Variants in KCNC2 observed in about 807,000 individuals in gnomAD.
The protein encoded by KCNC2 is voltage-gated potassium channel KCNC2.
A neutral mutation model predicts 44.5 loss-of-function variants in KCNC2; 21 were observed. The observed-to-expected ratio is 0.47, with a 90% CI of 0.33 to 0.68. KCNC2 has a LOEUF of 0.68. KCNC2 is among the 30% of genes least tolerant of loss of function. The pLI, the probability that KCNC2 is intolerant of heterozygous loss-of-function variation, is 0.01. For synonymous variants in KCNC2, 391 were observed against 339.1 expected, an observed-to-expected ratio of 1.15 and a Z score of -1.68; for missense variants, 589 against 826.2, an observed-to-expected ratio of 0.71 and a Z score of 3.52.
At chr12:75,136,040 A>G (rs1785368855) in intron 2 of KCNC2, among the ~76,000 whole-genome samples, 1 of 151,972 alleles carries the variant, frequency 6.6e-6, no homozygotes, top group African/African-American at 2.4e-5. Context: ...ACTCAGCTCT[A>G]TTATCCTTTT....
chr12:75,082,346 G>A (rs896370397), intron 2 of KCNC2, among the ~76,000 whole-genome samples: 1 of 151,872 alleles, frequency 6.6e-6, no homozygotes, highest in Non-Finnish European at 1.5e-5. Flanking sequence ...TGTCAAGTGA[G>A]ATTTCTGCAC....
intron 2 of KCNC2, among the ~76,000 whole-genome samples, chr12:75,058,920 T>C (rs1443478765): frequency 2.0e-5 from 3 of 152,036 alleles, no homozygotes; most frequent in African/African-American, 7.2e-5. Context: ...AAGATCTTTG[T>C]TTAGTGGACA....
intron 2 of KCNC2, among the ~76,000 whole-genome samples, chr12:75,119,237 G>A (rs1303238123): frequency 1.3e-5 from 2 of 152,080 alleles, no homozygotes; most frequent in Non-Finnish European, 2.9e-5. Flanking sequence ...GCTCACTCTT[G>A]TTTTCAGGAA....
At chr12:75,137,596 T>C (rs1013404538) in intron 2 of KCNC2, among the ~76,000 whole-genome samples, 1 of 152,228 alleles carries the variant, frequency 6.6e-6, no homozygotes, top group African/African-American at 2.4e-5. Flanking sequence ...AAATATTATG[T>C]CCCAAATTAT....
At chr12:75,085,879 T>C (rs955860276) in intron 2 of KCNC2, among the ~76,000 whole-genome samples, 4 of 152,040 alleles carry the variant, frequency 2.6e-5, no homozygotes, top group Non-Finnish European at 5.9e-5. Context: ...ACTTTAGAGC[T>C]GTGTCATTAA....
chr12:75,197,624 G>C (rs754742664), intron 2 of KCNC2, among the ~76,000 whole-genome samples: 1 of 151,958 alleles, frequency 6.6e-6, no homozygotes, highest in African/African-American at 2.4e-5. Flanking sequence ...ACATAACCTA[G>C]TTCTGGCCAA....
At chr12:75,202,128 C>T (rs553602373) in intron 2 of KCNC2, among the ~76,000 whole-genome samples, 1 of 151,960 alleles carries the variant, frequency 6.6e-6, no homozygotes, top group Non-Finnish European at 1.5e-5. Context: ...AGTTTACTGA[C>T]AAAGATAAAA....
chr12:75,189,193 G>T (rs971637678), intron 2 of KCNC2, among the ~76,000 whole-genome samples: 1 of 152,136 alleles, frequency 6.6e-6, no homozygotes, highest in Non-Finnish European at 1.5e-5. Context: ...TGAAGACTGG[G>T]AGCTACTTTG....
At chr12:75,043,834 GAA>G in intron 4 of KCNC2, 1 of 1,194,848 alleles carries the variant, frequency 8.4e-7, no homozygotes, top group Non-Finnish European at 1.1e-6. Context: ...AAAAGTAAAG[GAA>G]AAAAAAAGAA....
intron 2 of KCNC2, among the ~76,000 whole-genome samples, chr12:75,194,866 T>G (rs553251205): frequency 6.6e-6 from 1 of 152,278 alleles, no homozygotes; most frequent in Non-Finnish European, 1.5e-5. Context: ...GTGTGGTATA[T>G]ATGTGTCTTG....
intron 2 of KCNC2, among the ~76,000 whole-genome samples, chr12:75,060,809 A>G (rs1219686326): frequency 6.6e-6 from 1 of 152,058 alleles, no homozygotes; most frequent in Non-Finnish European, 1.5e-5. Flanking sequence ...AATTCCCTTA[A>G]TGTGGTCCTT....
At chr12:75,135,305 G>A (rs543250078) in intron 2 of KCNC2, among the ~76,000 whole-genome samples, 4 of 151,838 alleles carry the variant, frequency 2.6e-5, no homozygotes, top group South Asian at 4.1e-4. Context: ...TCACAGCTCT[G>A]TGTGAATGTG....
At chr12:75,118,311 G>A (rs1204263347) in intron 2 of KCNC2, among the ~76,000 whole-genome samples, 1 of 152,040 alleles carries the variant, frequency 6.6e-6, no homozygotes, top group Non-Finnish European at 1.5e-5. Flanking sequence ...CTACAGAATA[G>A]CTAACATTTC....
intron 2 of KCNC2, among the ~76,000 whole-genome samples, chr12:75,108,377 A>T (rs1265827839): frequency 1.3e-5 from 2 of 152,212 alleles, no homozygotes. Flanking sequence ...AGGGGTCTGC[A>T]ACAATATAAA....
chr12:75,042,495 G>A lies in KCNC2; in HGVS notation c.*610C>T. On this transcript the variant is annotated 3_prime_UTR_variant, in exon 5 of 5. Transcript: ENST00000549446. ...TTCTTTCAAATAATAAGAAAAAAAT[G>A]TCAAGGAGAAAAGTGCCCTCCCTGC... The A allele has an allele frequency of 7.0e-7, 1 of 1,437,220 alleles. No individual in the cohort carries two copies. Among genetic ancestry groups the A allele is most frequent in the Non-Finnish European group, 9.1e-7 (1 of 1,094,782 alleles). The allele number at this position is 1,437,220 out of a possible 1,614,324, so 89.0% of individuals were successfully genotyped here.
intron 2 of KCNC2, among the ~76,000 whole-genome samples, chr12:75,055,175 C>T (rs1396102143): frequency 6.6e-6 from 1 of 151,712 alleles, no homozygotes; most frequent in Non-Finnish European, 1.5e-5. Context: ...ATTGTTACTA[C>T]TGAGTATGGC....
chr12:75,043,832 AG>A (rs777651070), intron 4 of KCNC2: 3 of 1,327,198 alleles, frequency 2.3e-6, no homozygotes, highest in Middle Eastern at 1.9e-4. Context: ...AGAAAAGTAA[AG>A]GAAAAAAAAA....
At chr12:75,065,879 C>T (rs1414830926) in intron 2 of KCNC2, among the ~76,000 whole-genome samples, 1 of 152,090 alleles carries the variant, frequency 6.6e-6, no homozygotes, top group African/African-American at 2.4e-5. Context: ...TTTCTAACTG[C>T]TTAAAGACAG....
At chr12:75,204,098 T>C (rs1326925453) in intron 2 of KCNC2, among the ~76,000 whole-genome samples, 1 of 151,984 alleles carries the variant, frequency 6.6e-6, no homozygotes, top group Non-Finnish European at 1.5e-5. Flanking sequence ...TCTCATTTTT[T>C]TCCTGATCTC....
Sources: gnomAD v4.1 joint callset for allele counts (sites outside exome capture counted in the v4.1 genomes callset) on GRCh38, gnomAD v4.1.1 for gene constraint, MANE v1.5 for transcripts, NCBI Gene and HGNC (gene_info 2026-07-23, HGNC 2026-07-21) for gene names.